The following POU2F3 variants were observed in gnomAD, a reference collection of about 807,000 sequenced individuals.
POU2F3 encodes the protein POU class 2 homeobox 3, also known as POU domain, class 2, transcription factor 3.
Under a neutral mutation model 59.2 loss-of-function variants are expected in POU2F3, and 23 were observed. That is an observed-to-expected ratio of 0.39 (90% CI 0.28 to 0.55). POU2F3 has a LOEUF of 0.55. POU2F3 is among the 20% of genes least tolerant of loss of function. The pLI, the probability that POU2F3 is intolerant of heterozygous loss-of-function variation, is 0.66. For missense variants in POU2F3, 473 were observed against 544.5 expected (o/e 0.87, Z 1.31); for synonymous variants, 190 against 214.6 (o/e 0.89, Z 1.00).
At chr11:120,286,821 C>T (rs1940798691) in intron 3 of POU2F3, among the ~76,000 whole-genome samples, 1 of 148,860 alleles carries the variant, frequency 6.7e-6, no homozygotes, top group African/African-American at 2.5e-5. Context: ...TATGTTTGAG[C>T]TTTTTTTTTT....
chr11:120,305,683 G>A lies in POU2F3; in HGVS notation c.667G>A (p.Asp223Asn), dbSNP rs546118368. 7.4e-6 allele frequency: 12 copies of A among 1,614,042 alleles called. No individual in the cohort carries two copies. In the African/African-American group the frequency reaches 1.1e-4, roughly 14 times the overall value. The change falls in exon 8 of 13, where the codon GAC (aspartate) becomes AAC (asparagine). Residue 223 changes from aspartate (D) to asparagine (N), a missense_variant. Physicochemically the swap from Asp to Asn is conservative, Grantham distance 23. Coordinates refer to ENST00000543440, the MANE Select transcript of POU2F3 (RefSeq NM_014352.4). ...GLAMGKLYGN[D>N]FSQTTISRFE... ...GGCGATGGGAAAGCTGTATGGCAAC[G>A]ACTTCAGCCAGACCACCATCTCACG...
chr11:120,241,015 C>CTGAA (rs1333673686), intron 1 of POU2F3, among the ~76,000 whole-genome samples: 4 of 152,116 alleles, frequency 2.6e-5, no homozygotes, highest in Non-Finnish European at 2.9e-5. Context: ...TCAGGCTTCC[C>CTGAA]TGAATGAATG....
At chr11:120,271,349 G>GT (rs1940062564) in intron 3 of POU2F3, among the ~76,000 whole-genome samples, 1 of 152,254 alleles carries the variant, frequency 6.6e-6, no homozygotes, top group Non-Finnish European at 1.5e-5. Flanking sequence ...CTCAGAGATA[G>GT]TTTGGCCAGG....
At chr11:120,248,056 G>C (rs1028693479) in intron 2 of POU2F3, among the ~76,000 whole-genome samples, 7 of 152,322 alleles carry the variant, frequency 4.6e-5, no homozygotes, top group African/African-American at 1.7e-4. Flanking sequence ...TTCAAATCCT[G>C]GTGGGGGTTA....
chr11:120,252,988 C>T (rs527927847), intron 2 of POU2F3, among the ~76,000 whole-genome samples: 3 of 152,148 alleles, frequency 2.0e-5, no homozygotes, highest in African/African-American at 4.8e-5. Flanking sequence ...GGAGGGGGAG[C>T]CTGGTGTGGG....
chr11:120,236,715 A>T, upstream of POU2F3: 3 of 1,482,752 alleles, frequency 2.0e-6, no homozygotes, highest in South Asian at 1.2e-5. Flanking sequence ...GGGGTAAAGG[A>T]GTTCTCTACG....
chr11:120,291,967 C>T (rs1398594073), intron 3 of POU2F3, among the ~76,000 whole-genome samples: 1 of 152,076 alleles, frequency 6.6e-6, no homozygotes, highest in Non-Finnish European at 1.5e-5. Flanking sequence ...CGCCACCACA[C>T]CTGGCTAATG....
chr11:120,245,880 C>A (rs1938849034), intron 1 of POU2F3, among the ~76,000 whole-genome samples: 1 of 152,032 alleles, frequency 6.6e-6, no homozygotes. Context: ...AACACAGGAG[C>A]TAGGACTTGA....
At chr11:120,242,745 T>A (rs991445781) in intron 1 of POU2F3, among the ~76,000 whole-genome samples, 8 of 152,206 alleles carry the variant, frequency 5.3e-5, no homozygotes, top group African/African-American at 1.7e-4. Context: ...GATTCAGGTC[T>A]GCCTGGAGCC....
At chr11:120,292,455 C>T (rs1338358276) in intron 3 of POU2F3, among the ~76,000 whole-genome samples, 1 of 152,206 alleles carries the variant, frequency 6.6e-6, no homozygotes, top group Non-Finnish European at 1.5e-5. Flanking sequence ...GGAAACAGTT[C>T]TCAGAGTTTG....
rs1170335277 is a variant in POU2F3 at position 120,305,779 on chromosome 11, G to A, written c.763G>A (p.Asp255Asn). 1 of 1,613,484 alleles carries A rather than the reference G, an allele frequency of 6.2e-7. No individual in the cohort carries two copies. Among genetic ancestry groups the A allele is most frequent in the Non-Finnish European group, 8.5e-7 (1 of 1,180,012 alleles). Residue 255 changes from aspartate (D) to asparagine (N), a missense_variant, in exon 8 of 13, where the codon GAT becomes AAT. Transcript: ENST00000543440. ...LKPLLEKWLN[D>N]AESSPSDPSV... ...GCCCCTGCTGGAGAAGTGGCTGAAT[G>A]ATGCAGGTAGGCCTCGCAAACACGG...
rs754693778 is a variant in POU2F3 at position 120,318,389 on chromosome 11, C to T, written c.1308C>T (p.His436=). 1 of 1,602,636 alleles carries T rather than the reference C, an allele frequency of 6.2e-7. No homozygotes were observed. The highest frequency in any genetic ancestry group is 1.1e-5 in the South Asian group (1 of 90,854). Residue 436 remains histidine, a synonymous_variant, in exon 13 of 13, where the codon CAC becomes CAT. Coordinates refer to ENST00000543440, the MANE Select transcript of POU2F3 (RefSeq NM_014352.4). The stretch of plus-strand genomic sequence containing the variant: ...GATGGAATCATTCCACCTACCTCCA[C>T]TGAGACCAAAAAGTTTCTCCTACTC... ...WYRWNHSTYL[H] is the part of the protein sequence containing the mutation.
At chr11:120,248,273 G>A (rs542718716) in intron 2 of POU2F3, among the ~76,000 whole-genome samples, 87 of 152,316 alleles carry the variant, frequency 5.7e-4, no homozygotes, top group Non-Finnish European at 1.1e-3. Flanking sequence ...GAGCTTTGAA[G>A]AGTATGGATC....
At chr11:120,291,936 G>T (rs1941037853) in intron 3 of POU2F3, among the ~76,000 whole-genome samples, 2 of 151,892 alleles carry the variant, frequency 1.3e-5, no homozygotes, top group African/African-American at 4.8e-5. Flanking sequence ...AGCCCCCTGA[G>T]TAGCTGGGAC....
At chr11:120,280,117 C>T (rs948960217) in intron 3 of POU2F3, among the ~76,000 whole-genome samples, 4 of 152,136 alleles carry the variant, frequency 2.6e-5, no homozygotes, top group Non-Finnish European at 5.9e-5. Context: ...AAAAGCAGGG[C>T]CAGGCCTTCC....
intron 5 of POU2F3, chr11:120,301,419 T>C (rs1389380478): frequency 4.9e-6 from 1 of 202,452 alleles, no homozygotes; most frequent in East Asian, 1.3e-4. Flanking sequence ...TAATGAACAA[T>C]GAAGCCCTGA....
At position 120,244,741 on chromosome 11, in the gene POU2F3, G is replaced by A. The variant is rs11217773; in HGVS notation, c.29-1708G>A. Reference sequence around the variant, plus strand: ...GTTAGGCAATGCCCAGCTCCAGGGGGGATAGTACTTAATGGGTGGGAGAGG... The same window carrying A: ...GTTAGGCAATGCCCAGCTCCAGGGGAGATAGTACTTAATGGGTGGGAGAGG... On this transcript the variant is annotated intron_variant, in intron 1 of 12. Transcript: ENST00000543440. Among the ~76,000 whole-genome samples, 7,263 of 152,306 alleles carry A rather than the reference G, an allele frequency of 0.048. 1,183 individuals carry two copies. In the East Asian group the frequency reaches 0.63, roughly 13 times the overall value.
chr11:120,261,822 C>T (rs1271435773), intron 2 of POU2F3, among the ~76,000 whole-genome samples: 1 of 152,198 alleles, frequency 6.6e-6, no homozygotes, highest in Non-Finnish European at 1.5e-5. Context: ...TTTGGGAGGT[C>T]ACTTGAGATC....
rs1342802341 is a variant in POU2F3, at chr11:120,240,255, G to A, written c.-89G>A. 75 of 1,262,448 alleles carry A rather than the reference G, an allele frequency of 5.9e-5. No homozygotes were observed. The highest frequency in any genetic ancestry group is 7.1e-5 in the Non-Finnish European group (71 of 996,834). 78.2% of individuals were successfully genotyped at this position (1,262,448 alleles called of 1,614,324 possible). A position where few individuals can be genotyped will look rare whatever the true frequency, so the allele number is the denominator to read the frequency against. On this transcript the variant is annotated 5_prime_UTR_variant, in exon 1 of 13. Transcript: ENST00000543440. ...GCGGCGGCGGCGGCCGGGAACTGGA[G>A]GAAGGAGACCCTGGCTTCGCAGGGG...
Sources: allele counts gnomAD v4.1 joint callset (sites outside exome capture counted in the v4.1 genomes callset), GRCh38; gene constraint gnomAD v4.1.1; transcripts MANE v1.5; gene names NCBI Gene and HGNC (gene_info 2026-07-23, HGNC 2026-07-21).